The following PFDN1 variants were observed in gnomAD, a reference collection of about 807,000 sequenced individuals.
PFDN1 encodes prefoldin 1.
PFDN1 carries 6 observed loss-of-function variants against 17.3 expected under a neutral mutation model. The observed-to-expected ratio is 0.35, with a 90% confidence interval of 0.19 to 0.69. The LOEUF (loss-of-function observed/expected upper bound fraction) is 0.69. Ranked by LOEUF, PFDN1 falls within the 30% of genes least tolerant of loss-of-function variation. PFDN1 has a pLI of 0.65. For missense variants in PFDN1, 113 were observed against 146.2 expected (o/e 0.77, Z 1.17); for synonymous variants, 58 against 50.1 (o/e 1.16, Z -0.67).
chr5:140,267,709 G>C (rs554200339), intron 3 of PFDN1, among the ~76,000 whole-genome samples: 2 of 151,696 alleles, frequency 1.3e-5, no homozygotes, highest in South Asian at 4.2e-4. Flanking sequence ...AACTAAACAG[G>C]CCTAGAATAG....
chr5:140,276,252 T>C (rs1765291309), intron 3 of PFDN1, among the ~76,000 whole-genome samples: 1 of 152,170 alleles, frequency 6.6e-6, no homozygotes, highest in Non-Finnish European at 1.5e-5. Context: ...TGAGAGTTTA[T>C]ATTTCCAAAT....
At chr5:140,300,321 T>A (rs1302885904) in intron 2 of PFDN1, 95 bp downstream of exon 2, 1 of 939,406 alleles carries the variant, frequency 1.1e-6, no homozygotes, top group African/African-American at 1.6e-5. Context: ...GAGCCACCAC[T>A]CCTGGCCTAA....
intron 2 of PFDN1, among the ~76,000 whole-genome samples, chr5:140,300,016 A>G (rs1411568771): frequency 6.6e-6 from 1 of 152,146 alleles, no homozygotes; most frequent in African/African-American, 2.4e-5. Context: ...CCGTCTCAAA[A>G]AGAAAAAGAT....
At chr5:140,297,355 G>A (rs1372248062) in intron 2 of PFDN1, among the ~76,000 whole-genome samples, 1 of 152,182 alleles carries the variant, frequency 6.6e-6, no homozygotes, top group African/African-American at 2.4e-5. Context: ...TATAAATTCA[G>A]AAATAGATAT....
Position 140,277,018 on chromosome 5 carries a change from G to A in PFDN1, c.285+4431C>T, listed in dbSNP as rs1312064228. ...GCAGATCACCCGAGGTCAGGAGTTC[G>A]AGACCAGGCTGGCCAAAATGTTGAA... On this transcript the variant is annotated intron_variant, in intron 3 of 3. Transcript: ENST00000261813. Among the ~76,000 whole-genome samples the A allele has an allele frequency of 5.3e-5, 8 of 151,666 alleles. No individual in the cohort carries two copies. In the East Asian group the frequency reaches 1.4e-3, roughly 26 times the overall value.
At chr5:140,267,730 G>C (rs61305559) in intron 3 of PFDN1, among the ~76,000 whole-genome samples, 3 of 146,678 alleles carry the variant, frequency 2.0e-5, no homozygotes, top group East Asian at 2.0e-4. Flanking sequence ...CTAAAGGGAC[G>C]GGGGATTATC....
At chr5:140,265,769 G>A (rs1237875640) in intron 3 of PFDN1, 1 of 152,232 alleles carries the variant, frequency 6.6e-6, no homozygotes, top group Admixed American at 6.5e-5. Flanking sequence ...ACGGAATGCT[G>A]AGTAGAAACC....
At chr5:140,265,398 C>T (rs1765121651) in intron 3 of PFDN1, among the ~76,000 whole-genome samples, 1 of 151,974 alleles carries the variant, frequency 6.6e-6, no homozygotes, top group African/African-American at 2.4e-5. Flanking sequence ...TCCAGCTATA[C>T]TTTTCCCTTA....
chr5:140,266,101 C>T (rs1265521874), intron 3 of PFDN1, among the ~76,000 whole-genome samples: 1 of 152,194 alleles, frequency 6.6e-6, no homozygotes, highest in East Asian at 1.9e-4. Flanking sequence ...CATTCCAGAT[C>T]TCTTGTGGAG....
chr5:140,296,838 T>C (rs1424501072), intron 2 of PFDN1, among the ~76,000 whole-genome samples: 1 of 152,160 alleles, frequency 6.6e-6, no homozygotes, highest in Non-Finnish European at 1.5e-5. Flanking sequence ...GGTAGGTCCA[T>C]GAGATGAAAT....
chr5:140,257,840 G>T (rs1031554651), intron 3 of PFDN1, among the ~76,000 whole-genome samples: 1 of 152,228 alleles, frequency 6.6e-6, no homozygotes, highest in African/African-American at 2.4e-5. Context: ...AGCTACCATT[G>T]TAATAAGGGA....
At chr5:140,250,625 C>G (rs1309311123) in intron 3 of PFDN1, among the ~76,000 whole-genome samples, 3 of 152,192 alleles carry the variant, frequency 2.0e-5, no homozygotes, top group Non-Finnish European at 4.4e-5. Context: ...AGAAGAATGG[C>G]TGGCACATAA....
chr5:140,249,255 A>C (rs1764877632), intron 3 of PFDN1, among the ~76,000 whole-genome samples: 1 of 152,236 alleles, frequency 6.6e-6, no homozygotes, highest in Non-Finnish European at 1.5e-5. Flanking sequence ...AGATCATATT[A>C]TATTAGGGTG....
At position 140,273,504 on chromosome 5, in the gene PFDN1, A is replaced by C. The variant is rs189561104; in HGVS notation, c.285+7945T>G. The stretch of plus-strand genomic sequence containing the variant: ...AATCCCTCCAAAGCATGTTCTCATC[A>C]GAGTATCAAACCTAAGCCAACTGCA... On this transcript the variant is annotated intron_variant, in intron 3 of 3. Transcript: ENST00000261813. Among the ~76,000 whole-genome samples the C allele has an allele frequency of 3.9e-3, 590 of 152,308 alleles. 5 individuals carry two copies. The highest frequency in any genetic ancestry group is 4.3e-3 in the Non-Finnish European group (293 of 68,030).
At chr5:140,251,449 C>T (rs774535313) in intron 3 of PFDN1, among the ~76,000 whole-genome samples, 35 of 152,192 alleles carry the variant, frequency 2.3e-4, no homozygotes, top group Non-Finnish European at 4.4e-4. Flanking sequence ...CAAACCACCC[C>T]AATTTCCCAT....
intron 2 of PFDN1, among the ~76,000 whole-genome samples, chr5:140,286,411 C>CAAAAA (rs70988742): frequency 1.3e-4 from 11 of 83,444 alleles, no homozygotes; most frequent in South Asian, 4.0e-4. Context: ...GACTCTGTCT[C>CAAAAA]AAAAAAAAAA....
At chr5:140,266,165 T>C (rs1765131557) in intron 3 of PFDN1, among the ~76,000 whole-genome samples, 1 of 152,152 alleles carries the variant, frequency 6.6e-6, no homozygotes, top group Non-Finnish European at 1.5e-5. Context: ...ATTTGGGCCT[T>C]AATCACAGGC....
intron 2 of PFDN1, among the ~76,000 whole-genome samples, chr5:140,295,176 A>C (rs2126700950): frequency 6.6e-6 from 1 of 152,212 alleles, no homozygotes; most frequent in South Asian, 2.1e-4. Flanking sequence ...TTAGGATCAT[A>C]CTTATTGTTC....
Position 140,245,893 on chromosome 5 carries a change from A to G in PFDN1, c.*81T>C. On this transcript the variant is annotated 3_prime_UTR_variant, in exon 4 of 4. Transcript: ENST00000261813. ...AATAAAGCATCCATCGGGGCAGAGG[A>G]GAAGCTGTTTCCCTGCAGACACTCC... 1.3e-6 allele frequency: 1 copy of G among 780,568 alleles called. No individual in the cohort carries two copies. The highest frequency in any genetic ancestry group is 3.4e-4 in the Middle Eastern group (1 of 2,914). The allele number at this position is 780,568 out of a possible 1,614,324, so 48.4% of individuals were successfully genotyped here.
Sources: allele counts gnomAD v4.1 joint callset (sites outside exome capture counted in the v4.1 genomes callset), GRCh38; gene constraint gnomAD v4.1.1; transcripts MANE v1.5; gene names NCBI Gene and HGNC (gene_info 2026-07-23, HGNC 2026-07-21).